CALN1: variants seen among roughly 807,000 people sequenced by gnomAD.
CALN1 encodes calcium-binding protein 8.
Under a neutral mutation model 30.6 loss-of-function variants are expected in CALN1, and 17 were observed. The ratio of observed to expected loss-of-function variants is 0.56; its 90% CI spans 0.38 to 0.83. The LOEUF is 0.83. CALN1 is among the 40% of genes least tolerant of loss of function. The pLI, the probability that CALN1 is intolerant of heterozygous loss-of-function variation, is 0.00. For synonymous variants in CALN1, 156 were observed against 131.4 expected, an observed-to-expected ratio of 1.19 and a Z score of -1.28; for missense variants, 291 against 354.9, an observed-to-expected ratio of 0.82 and a Z score of 1.45.
intron 2 of CALN1, among the ~76,000 whole-genome samples, chr7:72,394,696 A>G (rs1043373514): frequency 3.5e-5 from 5 of 144,184 alleles, no homozygotes; most frequent in African/African-American, 1.3e-4. Context: ...CAGTCTCACT[A>G]TGTTGCCCAG....
intron 2 of CALN1, among the ~76,000 whole-genome samples, chr7:72,340,166 T>C (rs1585538301): frequency 6.6e-6 from 1 of 152,238 alleles, no homozygotes; most frequent in East Asian, 1.9e-4. Flanking sequence ...GTGAACATTC[T>C]TTTCTGCAAA....
intron 3 of CALN1, among the ~76,000 whole-genome samples, chr7:72,147,166 T>C (rs545871736): frequency 6.6e-6 from 1 of 152,188 alleles, no homozygotes; most frequent in East Asian, 1.9e-4. Context: ...GAAACTACCA[T>C]CAGAGTGAAC....
the CALN1 span, among the ~76,000 whole-genome samples, chr7:72,492,932 GACA>G: frequency 5.3e-4 from 81 of 152,232 alleles, no homozygotes; most frequent in African/African-American, 1.9e-3. Context: ...AAATCACAAG[GACA>G]ACAAGATAAA....
intron 5 of CALN1, among the ~76,000 whole-genome samples, chr7:71,955,488 G>A (rs1796913320): frequency 6.6e-6 from 1 of 152,084 alleles, no homozygotes; most frequent in Admixed American, 6.6e-5. Context: ...CTCCCTAAGT[G>A]AGAACTGCAA....
At chr7:72,332,235 A>C (rs1801728823) in intron 2 of CALN1, among the ~76,000 whole-genome samples, 1 of 152,176 alleles carries the variant, frequency 6.6e-6, no homozygotes, top group East Asian at 1.9e-4. Flanking sequence ...AATGTGTGCA[A>C]GGTAGCACCC....
chr7:72,398,461 G>A (rs1806120108), intron 2 of CALN1, among the ~76,000 whole-genome samples: 1 of 152,146 alleles, frequency 6.6e-6, no homozygotes, highest in East Asian at 1.9e-4. Context: ...GTTATTTTTA[G>A]ATCACATATC....
At chr7:72,228,720 T>G (rs548935329) in intron 3 of CALN1, among the ~76,000 whole-genome samples, 2 of 150,626 alleles carry the variant, frequency 1.3e-5, no homozygotes, top group South Asian at 4.2e-4. Flanking sequence ...ACTCCACAAG[T>G]GTTGGCTACC....
chr7:72,365,356 A>G (rs779102644), intron 2 of CALN1, among the ~76,000 whole-genome samples: 2 of 152,158 alleles, frequency 1.3e-5, no homozygotes, highest in African/African-American at 4.8e-5. Flanking sequence ...AATAATAATT[A>G]TATCTTCAGT....
Position 71,811,330 on chromosome 7 carries a change from C to T in CALN1, c.502-838G>A, listed in dbSNP as rs376238539. Among the ~76,000 whole-genome samples, 553 of 152,276 alleles carry T rather than the reference C, an allele frequency of 3.6e-3. 4 individuals are homozygous for T. The highest frequency in any genetic ancestry group is 0.012 in the African/African-American group (514 of 41,538). ...TGAAGCCATCCTCCTGCCTCAGCCT[C>T]CCAAGTAGCTGGGATTACAGACATG... On this transcript the variant is annotated intron_variant, in intron 5 of 6. Coordinates refer to ENST00000395275, the MANE Select transcript of CALN1 (RefSeq NM_031468.4).
At chr7:71,789,575 A>G (rs532328029) in intron 6 of CALN1, among the ~76,000 whole-genome samples, 64 of 152,136 alleles carry the variant, frequency 4.2e-4, no homozygotes, top group Non-Finnish European at 7.9e-4. Context: ...GGCAGCACCA[A>G]TGTGAAGATA....
intron 3 of CALN1, among the ~76,000 whole-genome samples, chr7:72,178,688 C>CA (rs34462364): frequency 0.024 from 3,285 of 137,476 alleles, 44 homozygotes; most frequent in African/African-American, 0.029. Flanking sequence ...GACTCCATGT[C>CA]AAAAAAAAAA....
intron 5 of CALN1, among the ~76,000 whole-genome samples, chr7:71,967,845 G>C (rs905012515): frequency 1.3e-5 from 2 of 152,008 alleles, no homozygotes; most frequent in Non-Finnish European, 2.9e-5. Context: ...TTATTAAACA[G>C]GCTAAAATTT....
At chr7:72,082,214 G>A (rs936501833) in intron 4 of CALN1, among the ~76,000 whole-genome samples, 3 of 152,162 alleles carry the variant, frequency 2.0e-5, no homozygotes, top group Non-Finnish European at 4.4e-5. Flanking sequence ...TCGAACTCCT[G>A]ACCTCAGGTG....
At chr7:71,825,776 T>C (rs1201645331) in intron 5 of CALN1, among the ~76,000 whole-genome samples, 1 of 152,010 alleles carries the variant, frequency 6.6e-6, no homozygotes, top group African/African-American at 2.4e-5. Flanking sequence ...CTCATGTCTG[T>C]AATCCCATCA....
chr7:71,887,354 G>A (rs1176639825), intron 5 of CALN1, among the ~76,000 whole-genome samples: 1 of 152,172 alleles, frequency 6.6e-6, no homozygotes, highest in Non-Finnish European at 1.5e-5. Flanking sequence ...GGCATGCAAT[G>A]GTACAATCTC....
At chr7:72,406,082 G>C (rs900938512) in intron 1 of CALN1, among the ~76,000 whole-genome samples, 1 of 152,202 alleles carries the variant, frequency 6.6e-6, no homozygotes, top group Non-Finnish European at 1.5e-5. Flanking sequence ...TGCCCTCACT[G>C]CGGCACTCGC....
chr7:72,394,662 C>CT (rs11313018), intron 2 of CALN1, among the ~76,000 whole-genome samples: 77 of 126,048 alleles, frequency 6.1e-4, no homozygotes, highest in Middle Eastern at 3.9e-3. Flanking sequence ...GTACCATTGA[C>CT]TTTTTTTTTT....
Position 72,053,532 on chromosome 7 carries a change from T to C in CALN1, c.389-29763A>G, listed in dbSNP as rs560125752. ...ACTGATTTACACTCCCACCAACATA[T>C]ATGAGTGTTCCCTTTACTCCCCAAC... On this transcript the variant is annotated intron_variant, in intron 4 of 6. Transcript: ENST00000395275. 1.1e-4 allele frequency among the ~76,000 whole-genome samples: 16 copies of C among 152,314 alleles called. 1 individual carries two copies. The highest frequency in any genetic ancestry group is 9.8e-4 in the Admixed American group (15 of 15,300).
chr7:72,110,992 G>A (rs1414890706), intron 3 of CALN1, among the ~76,000 whole-genome samples: 1 of 152,176 alleles, frequency 6.6e-6, no homozygotes, highest in African/African-American at 2.4e-5. Context: ...CACAGATCAA[G>A]TTTTCAAGAA....
Sources: gnomAD v4.1 joint callset for allele counts (sites outside exome capture counted in the v4.1 genomes callset) on GRCh38, gnomAD v4.1.1 for gene constraint, MANE v1.5 for transcripts, NCBI Gene and HGNC (gene_info 2026-07-23, HGNC 2026-07-21) for gene names.